The following MED25 variants were observed in gnomAD, a reference collection of about 807,000 sequenced individuals.
MED25 encodes mediator of RNA polymerase II transcription subunit 25.
Under a neutral mutation model 89.4 loss-of-function variants are expected in MED25, and 62 were observed. The observed-to-expected ratio is 0.69, with a 90% CI of 0.57 to 0.86. MED25 has a LOEUF of 0.86. Among genes scored for constraint, MED25 ranks in the 40% least tolerant of loss-of-function variants. The probability of loss-of-function intolerance (pLI) is 0.00; values close to 1 mark genes in which losing one functional copy is unlikely to be tolerated. For missense variants in MED25, 905 were observed against 1,005.2 expected (o/e 0.90, Z 1.35); for synonymous variants, 449 against 427.9 (o/e 1.05, Z -0.61).
In MED25 at chr19:49,835,868, C is replaced by G. The variant is rs900142190; in HGVS notation, c.1888C>G (p.Pro630Ala). 9 of 1,612,752 alleles carry G rather than the reference C, an allele frequency of 5.6e-6. No homozygotes were observed. Among genetic ancestry groups the G allele is most frequent in the African/African-American group, 1.3e-5 (1 of 75,042 alleles). ...TCCTGGAGCAGCTTCTGGCCCACCC[C>G]CTCCTGGACCCATCCTTCGGCCCCA... ...GPPGAASGPP[P>A]PGPILRPQNP... The change falls in exon 16 of 18, where the codon CCT becomes GCT. Residue 630 changes from proline to alanine, a missense_variant. By Grantham distance (27) the Pro-to-Ala change is conservative. Transcript: ENST00000312865. The surrounding 1 kb of genome is among the most constrained non-coding windows in gnomAD (Gnocchi z 6.2).
At position 49,835,650 on chromosome 19, in the gene MED25, C is replaced by A; in HGVS notation, c.1746+45C>A. Reference sequence around the variant, plus strand: ...GGTCGGGGCTGGGTTGGGGAGGCCCCAAGGCTGCGCTCTGTGCCTGCAGAA... The same window carrying A: ...GGTCGGGGCTGGGTTGGGGAGGCCCAAAGGCTGCGCTCTGTGCCTGCAGAA... On this transcript the variant is annotated intron_variant, in intron 15 of 17. Coordinates refer to ENST00000312865, the MANE Select transcript of MED25 (RefSeq NM_030973.4). The surrounding 1 kb of genome is among the most constrained non-coding windows in gnomAD (Gnocchi z 6.2). The A allele has an allele frequency of 6.4e-7, 1 of 1,562,168 alleles. No individual in the cohort carries two copies. Among genetic ancestry groups the A allele is most frequent in the East Asian group, 2.4e-5 (1 of 41,526 alleles).
chr19:49,838,546 G>A, downstream of MED25: 1 of 457,104 alleles, frequency 2.2e-6, no homozygotes, highest in Non-Finnish European at 4.4e-6. Context: ...AGAGGAAAGT[G>A]AAATCTTTCT....
Position 49,835,822 on chromosome 19 carries a change from G to T in MED25, c.1842G>T (p.Pro614=). Residue 614 remains proline (P), a synonymous_variant, in exon 16 of 18, where the codon CCG becomes CCT. Coordinates refer to ENST00000312865, the MANE Select transcript of MED25 (RefSeq NM_030973.4). This position sits in a 1 kb window ranked among gnomAD's most constrained non-coding sequence, Gnocchi z 6.2. ...QPQPQGTAQP[P]PGAPQGPPGA... ...AGCCCCAAGGTACTGCCCAGCCCCC[G>T]CCAGGTGCCCCTCAAGGCCCTCCTG... The T allele has an allele frequency of 6.2e-7, 1 of 1,609,172 alleles. No homozygotes were observed. The highest frequency in any genetic ancestry group is 8.5e-7 in the Non-Finnish European group (1 of 1,177,290).
downstream of MED25, chr19:49,840,008 C>T (rs1212254848): frequency 4.6e-5 from 7 of 152,220 alleles, no homozygotes; most frequent in African/African-American, 1.7e-4. Context: ...CAACTATCTC[C>T]AGTAGTTGTC....
chr19:49,835,007 C>A lies in MED25; in HGVS notation c.1504C>A (p.His502Asn), dbSNP rs377524775. 1 of 1,614,102 alleles carries A rather than the reference C, an allele frequency of 6.2e-7. No homozygotes were observed. The highest frequency in any genetic ancestry group is 8.5e-7 in the Non-Finnish European group (1 of 1,180,000). Reference protein sequence around the residue: ...NGFAGCVHFPHTAPCEVRVLM... With the variant: ...NGFAGCVHFPNTAPCEVRVLM... ...CCAGGCGGGCTGCGTGCACTTCCCC[C>A]ACACGGCGCCCTGTGAGGTGCGCGT... The change falls in exon 14 of 18, where the codon CAC becomes AAC. Residue 502 changes from histidine (H) to asparagine (N), a missense_variant. Physicochemically the swap from His to Asn is moderately conservative, Grantham distance 68. Around this residue, in one of 3 missense-constraint regions of MED25, gnomAD observed 133 missense variants for 220.2 expected, o/e 0.60. Coordinates refer to ENST00000312865, the MANE Select transcript of MED25 (RefSeq NM_030973.4). This position sits in a 1 kb window ranked among gnomAD's most constrained non-coding sequence, Gnocchi z 6.2.
At chr19:49,822,024 G>C (rs913744316) in intron 3 of MED25, among the ~76,000 whole-genome samples, 1 of 151,518 alleles carries the variant, frequency 6.6e-6, no homozygotes, top group Non-Finnish European at 1.5e-5. Flanking sequence ...AGCACTTTGG[G>C]AGGCTGAGGC....
rs1014790750 is a variant in MED25, at chr19:49,836,815, G to A, written c.2147-32G>A. On this transcript the variant is annotated intron_variant, in intron 17 of 17. Transcript: ENST00000312865. The surrounding 1 kb of genome is among the most constrained non-coding windows in gnomAD (Gnocchi z 5.1). ...CCCTCCTGGGCCCAAGGGCCTACTG[G>A]GAGATGCAGTCCCTTCCCCACTGCC... The A allele has an allele frequency of 6.5e-7, 1 of 1,549,194 alleles. No homozygotes were observed. Among genetic ancestry groups the A allele is most frequent in the Non-Finnish European group, 8.9e-7 (1 of 1,125,032 alleles).
rs900142190 is a variant in MED25, at chr19:49,835,868, C to A, written c.1888C>A (p.Pro630Thr). Reference sequence around the variant, plus strand: ...TCCTGGAGCAGCTTCTGGCCCACCCCCTCCTGGACCCATCCTTCGGCCCCA... The same window carrying A: ...TCCTGGAGCAGCTTCTGGCCCACCCACTCCTGGACCCATCCTTCGGCCCCA... ...GPPGAASGPP[P>T]PGPILRPQNP... The change falls in exon 16 of 18, where the codon CCT becomes ACT. Residue 630 changes from proline (P) to threonine (T), a missense_variant. Pro to Thr is a conservative substitution (Grantham distance 38). This residue lies in a region of MED25 where 271 missense variants were observed against 258.1 expected (regional missense o/e 1.05). Coordinates refer to ENST00000312865, the MANE Select transcript of MED25 (RefSeq NM_030973.4). The surrounding 1 kb of genome is among the most constrained non-coding windows in gnomAD (Gnocchi z 6.2). 8.7e-6 allele frequency: 14 copies of A among 1,612,752 alleles called. No homozygotes were observed. The highest frequency in any genetic ancestry group is 2.7e-5 in the African/African-American group (2 of 75,042).
Position 49,829,187 on chromosome 19 carries a change from G to A in MED25, c.525+97G>A. ...AGGGCCTGGACTCCTGGGTCTGAGG[G>A]AGGAGGCACTGGGGGCCTGGACTCT... On this transcript the variant is annotated intron_variant, in intron 5 of 17. Transcript: ENST00000312865. This position sits in a 1 kb window ranked among gnomAD's most constrained non-coding sequence, Gnocchi z 4.6. 2 of 1,124,600 alleles carry A rather than the reference G, an allele frequency of 1.8e-6. No homozygotes were observed. Among genetic ancestry groups the A allele is most frequent in the South Asian group, 2.6e-5 (2 of 76,614 alleles). 69.7% of individuals were successfully genotyped at this position (1,124,600 alleles called of 1,614,324 possible). A position where few individuals can be genotyped will look rare whatever the true frequency, so the allele number is the denominator to read the frequency against.
Position 49,836,012 on chromosome 19 carries a change from TGGGA to T in MED25, c.1965+70_1965+73del. The T allele has an allele frequency of 6.9e-6, 11 of 1,583,656 alleles. No individual in the cohort carries two copies. The highest frequency in any genetic ancestry group is 9.4e-6 in the Non-Finnish European group (11 of 1,166,398). On this transcript the variant is annotated intron_variant, in intron 16 of 17. Transcript: ENST00000312865. This position sits in a 1 kb window ranked among gnomAD's most constrained non-coding sequence, Gnocchi z 5.1. ...CCCTGGTGGTTCTGGTCCTGTTGTCTGGGAGGAGGGAGGTTGACTGTGGTCAGTG... is the reference window on the plus strand; with the variant it reads ...CCCTGGTGGTTCTGGTCCTGTTGTCTGGAGGGAGGTTGACTGTGGTCAGTG...
intron 3 of MED25, among the ~76,000 whole-genome samples, chr19:49,827,642 A>G (rs182040252): frequency 2.1e-3 from 315 of 152,290 alleles, no homozygotes; most frequent in Non-Finnish European, 3.7e-3. Flanking sequence ...TACCTGTGTA[A>G]AGATCTTTCC....
chr19:49,827,755 C>T (rs186181379), intron 3 of MED25, among the ~76,000 whole-genome samples: 40 of 152,252 alleles, frequency 2.6e-4, no homozygotes, highest in Middle Eastern at 3.4e-3. Flanking sequence ...AGGAGGCCCC[C>T]GTCTCTGGCT....
Position 49,818,567 on chromosome 19 carries a change from A to G in MED25, c.135-4A>G, listed in dbSNP as rs765245928. On this transcript the variant is annotated splice_polypyrimidine_tract_variant and splice_region_variant and intron_variant, in intron 1 of 17. Coordinates refer to ENST00000312865, the MANE Select transcript of MED25 (RefSeq NM_030973.4). ...CTCCGACCTTTCACTTCCTACCCTCACAGGTATTTTAATGGTGGTCCTCCT... is the reference window on the plus strand; with the variant it reads ...CTCCGACCTTTCACTTCCTACCCTCGCAGGTATTTTAATGGTGGTCCTCCT... 17 of 1,613,986 alleles carry G rather than the reference A, an allele frequency of 1.1e-5. No individual in the cohort carries two copies. Among genetic ancestry groups the G allele is most frequent in the South Asian group, 3.3e-5 (3 of 91,074 alleles).
downstream of MED25, chr19:49,839,168 A>AG (rs1331921112): frequency 4.5e-6 from 1 of 222,680 alleles, no homozygotes; most frequent in African/African-American, 2.3e-5. Flanking sequence ...ATGTGACCGA[A>AG]GAAGTCTGTG....
downstream of MED25, chr19:49,838,306 G>GCA: frequency 2.9e-6 from 1 of 342,338 alleles, no homozygotes; most frequent in Non-Finnish European, 5.8e-6. Flanking sequence ...ACACACACAC[G>GCA]CACACACACA....
At chr19:49,818,656 G>A (rs759266597) in intron 2 of MED25, 40 bp downstream of exon 2, 2 of 1,574,912 alleles carry the variant, frequency 1.3e-6, no homozygotes, top group Non-Finnish European at 1.7e-6. Context: ...AGGAGGGGCC[G>A]GGGGCCTGGA....
chr19:49,836,391 C>T lies in MED25; in HGVS notation c.2131C>T (p.Arg711Trp), dbSNP rs1266488266. 1.3e-6 allele frequency: 2 copies of T among 1,597,908 alleles called. No homozygotes were observed. The highest frequency in any genetic ancestry group is 3.4e-5 in the Admixed American group (2 of 58,264). ...AQSWPAQLPP[R>W]APLPGQMLLS... ...GTCCTGGCCCGCACAACTTCCCCCT[C>T]GGGCTCCACTGCCAGGTAAGGGGAC... The change falls in exon 17 of 18, where the codon CGG becomes TGG. Residue 711 changes from arginine (R) to tryptophan (W), a missense_variant. Transcript: ENST00000312865. The surrounding 1 kb of genome is among the most constrained non-coding windows in gnomAD (Gnocchi z 5.1).
intron 2 of MED25, 69 bp downstream of exon 2, chr19:49,818,685 GGAGAA>G (rs2123861067): frequency 6.9e-7 from 1 of 1,444,158 alleles, no homozygotes; most frequent in African/African-American, 1.4e-5. Flanking sequence ...TCTGAGGGAG[GGAGAA>G]AGGGCTGGGC....
chr19:49,830,556 G>C lies in MED25; in HGVS notation c.865G>C (p.Val289Leu). Residue 289 changes from valine (V) to leucine (L), a missense_variant, in exon 8 of 18, where the codon GTG becomes CTG. This residue lies in a region of MED25 where 501 missense variants were observed against 526.9 expected (regional missense o/e 0.95). Coordinates refer to ENST00000312865, the MANE Select transcript of MED25 (RefSeq NM_030973.4). This position sits in a 1 kb window ranked among gnomAD's most constrained non-coding sequence, Gnocchi z 4.6. ...AGCTCAGGTGGCCGCGCAGAATGCAGTGGAGGCTGCCAAGAACCAGAAGGC... is the reference window on the plus strand; with the variant it reads ...AGCTCAGGTGGCCGCGCAGAATGCACTGGAGGCTGCCAAGAACCAGAAGGC... Reference protein sequence around the residue: ...SAAQVAAQNAVEAAKNQKAGL... With the variant: ...SAAQVAAQNALEAAKNQKAGL... The C allele has an allele frequency of 1.9e-6, 3 of 1,614,196 alleles. No homozygotes were observed. Among genetic ancestry groups the C allele is most frequent in the Non-Finnish European group, 2.5e-6 (3 of 1,180,018 alleles).
Sources: allele counts gnomAD v4.1 joint callset (sites outside exome capture counted in the v4.1 genomes callset), GRCh38; gene constraint gnomAD v4.1.1; regional missense constraint gnomAD v4.1.1; non-coding constraint Gnocchi (gnomAD v3.1); transcripts MANE v1.5; gene names NCBI Gene and HGNC (gene_info 2026-07-23, HGNC 2026-07-21).